Variants in ACSL4 observed in about 807,000 individuals in gnomAD.
ACSL4 encodes long-chain-fatty-acid--CoA ligase 4.
A neutral mutation model predicts 49.1 loss-of-function variants in ACSL4; 9 were observed. The observed-to-expected ratio is 0.18, with a 90% CI of 0.11 to 0.32. ACSL4 has a LOEUF of 0.32. Ranked by LOEUF, ACSL4 falls within the 10% of genes least tolerant of loss-of-function variation. The pLI is 1.00. For synonymous variants in ACSL4, 191 were observed against 170.3 expected, an observed-to-expected ratio of 1.12 and a Z score of -0.95; for missense variants, 333 against 493.7, an observed-to-expected ratio of 0.67 and a Z score of 3.08.
intron 2 of ACSL4, among the ~76,000 whole-genome samples, chrX:109,692,679 A>C (rs1418778024): frequency 1.8e-5 from 2 of 111,876 alleles, no homozygotes; most frequent in Non-Finnish European, 3.8e-5. Context: ...CTGTACACAA[A>C]ACCTTGCTGC....
chrX:109,714,168 TTTTTTG>T (rs767638940), intron 1 of ACSL4, among the ~76,000 whole-genome samples: 1 of 112,168 alleles, frequency 8.9e-6, no homozygotes, highest in South Asian at 3.7e-4. Context: ...TGTGTCTTAG[TTTTTTG>T]TTTTTGTTTT....
At chrX:109,645,122 C>A (rs1308308237) in intron 15 of ACSL4, among the ~76,000 whole-genome samples, 7 of 113,142 alleles carry the variant, frequency 6.2e-5, no homozygotes, top group Middle Eastern at 4.6e-3. Flanking sequence ...CCCAGGCTTG[C>A]TTAGGTAAAC....
chrX:109,663,334 T>A lies in ACSL4; in HGVS notation c.1459A>T (p.Met487Leu). Reference sequence around the variant, plus strand: ...TTCTCTTCATTTTTAAAATATCCCATGGAGATGTTCTGTCCACCAATTACG... The same window carrying A: ...TTCTCTTCATTTTTAAAATATCCCAAGGAGATGTTCTGTCCACCAATTACG... Reference protein sequence around the residue: ...EIVIGGQNISMGYFKNEEKTA... With the variant: ...EIVIGGQNISLGYFKNEEKTA... The change falls in exon 13 of 16, where the codon ATG (methionine) becomes TTG (leucine). Residue 487 changes from methionine (M) to leucine (L), a missense_variant. Transcript: ENST00000672401. The A allele has an allele frequency of 8.3e-7, 1 of 1,209,807 alleles. No homozygotes were observed. Among genetic ancestry groups the A allele is most frequent in the Admixed American group, 2.2e-5 (1 of 45,994 alleles).
chrX:109,671,628 A>G (rs1226118107), intron 9 of ACSL4, among the ~76,000 whole-genome samples: 1 of 112,622 alleles, frequency 8.9e-6, no homozygotes, highest in Non-Finnish European at 1.9e-5. Flanking sequence ...GGTTTTGTCA[A>G]ATAGAAAAGG....
rs369666271 is a variant in ACSL4, at chrX:109,708,872, A to G, written c.-65-12676T>C. Reference sequence around the variant, plus strand: ...AAAACCTGAAAAATTCCAAAATCCAAACACTTCTGGCCCCAGGCATTTTGG... The same window carrying G: ...AAAACCTGAAAAATTCCAAAATCCAGACACTTCTGGCCCCAGGCATTTTGG... On this transcript the variant is annotated intron_variant, in intron 1 of 15. Transcript: ENST00000672401. Among the ~76,000 whole-genome samples, 109 of 111,877 alleles carry G rather than the reference A, an allele frequency of 9.7e-4. 1 individual carries two copies. The South Asian group carries it at 0.039, about 40-fold the overall frequency.
chrX:109,643,875 C>G lies in ACSL4; in HGVS notation c.*154G>C. 1.6e-6 allele frequency: 1 copy of G among 643,669 alleles called. No individual in the cohort carries two copies. Among genetic ancestry groups the G allele is most frequent in the Non-Finnish European group, 2.4e-6 (1 of 413,429 alleles). 53.0% of individuals were successfully genotyped at this position (643,669 alleles called of 1,213,427 possible). ...CAAAACTAAGTTAAAGTAAACCGGA[C>G]AACAATTTTAATAACTTTTGGTTTT... On this transcript the variant is annotated 3_prime_UTR_variant, in exon 16 of 16. Transcript: ENST00000672401.
At chrX:109,677,108 C>G (rs1338857134) in intron 8 of ACSL4, among the ~76,000 whole-genome samples, 1 of 110,013 alleles carries the variant, frequency 9.1e-6, no homozygotes, top group African/African-American at 3.3e-5. Context: ...TACAGGCGCC[C>G]ACCACCTCGC....
rs750659716 is a variant in ACSL4, at chrX:109,683,274, T to C, written c.90A>G (p.Ile30Met). 4.2e-5 allele frequency: 51 copies of C among 1,210,671 alleles called. No individual in the cohort carries two copies. The Middle Eastern group carries it at 1.4e-3, about 33-fold the overall frequency. Residue 30 changes from isoleucine to methionine, a missense_variant, in exon 3 of 16, where the codon ATA (isoleucine) becomes ATG (methionine). Physicochemically the swap from Ile to Met is conservative, Grantham distance 10 (BLOSUM62 1). This residue lies in a region of ACSL4 where 157 missense variants were observed against 201.1 expected (regional missense o/e 0.78). Coordinates refer to ENST00000672401, the MANE Select transcript of ACSL4 (RefSeq NM_001318510.2). ...SVTHFDSLAV[I>M]DIPGADTLDK... is the part of the protein sequence containing the mutation. ...CCAGAGTATCTGCTCCAGGGATGTC[T>C]ATTACAGCTAGTGAGTCGAAGTGTG...
chrX:109,713,227 T>C (rs1438894385), intron 1 of ACSL4, among the ~76,000 whole-genome samples: 3 of 111,801 alleles, frequency 2.7e-5, no homozygotes, highest in South Asian at 7.4e-4. Flanking sequence ...GGAACCAGGA[T>C]AGAGGACCAT....
Position 109,641,815 on chromosome X carries a change from G to A in ACSL4, c.*2214C>T, listed in dbSNP as rs1934452589. On this transcript the variant is annotated 3_prime_UTR_variant, in exon 16 of 16. Coordinates refer to ENST00000672401, the MANE Select transcript of ACSL4 (RefSeq NM_001318510.2). The stretch of plus-strand genomic sequence containing the variant: ...TGTTTGACTTAGAAATGTACATATT[G>A]TAGTAAATTTTTAAAGTACAACTTT... 1 of 112,737 alleles carries A rather than the reference G, an allele frequency of 8.9e-6. No individual in the cohort carries two copies. Among genetic ancestry groups the A allele is most frequent in the Non-Finnish European group, 1.9e-5 (1 of 53,214 alleles). 9.3% of individuals were successfully genotyped at this position (112,737 alleles called of 1,213,427 possible).
intron 15 of ACSL4, among the ~76,000 whole-genome samples, chrX:109,652,924 G>A (rs530550630): frequency 1.8e-5 from 2 of 111,577 alleles, no homozygotes; most frequent in Non-Finnish European, 3.8e-5. Flanking sequence ...AAACTTCACA[G>A]TGTCTAGAAT....
intron 15 of ACSL4, 103 bp from the exon 16 acceptor site, chrX:109,644,289 T>C: frequency 3.8e-6 from 3 of 789,289 alleles, no homozygotes; most frequent in African/African-American, 2.1e-5. Context: ...ATTAATAAAA[T>C]ATGAGTTTTT....
chrX:109,709,254 C>CAA (rs1203709716), intron 1 of ACSL4, among the ~76,000 whole-genome samples: 1 of 112,012 alleles, frequency 8.9e-6, no homozygotes. Context: ...GGCTACTTTC[C>CAA]ACACGGGTGA....
chrX:109,661,257 T>G (rs1260869114), intron 14 of ACSL4, among the ~76,000 whole-genome samples: 1 of 111,941 alleles, frequency 8.9e-6, no homozygotes, highest in African/African-American at 3.2e-5. Context: ...TTACTTATAC[T>G]AAGTCTCAGT....
At chrX:109,690,752 C>T (rs1316815603) in intron 2 of ACSL4, among the ~76,000 whole-genome samples, 1 of 93,481 alleles carries the variant, frequency 1.1e-5, no homozygotes, top group African/African-American at 4.1e-5. Context: ...CATCCTAAGA[C>T]ATTTTAGGGG....
intron 6 of ACSL4, among the ~76,000 whole-genome samples, chrX:109,680,247 T>TA (rs1439020647): frequency 9.0e-6 from 1 of 110,940 alleles, no homozygotes; most frequent in Non-Finnish European, 1.9e-5. Flanking sequence ...GCAAGCAGGG[T>TA]AAAATCTGAC....
intron 13 of ACSL4, among the ~76,000 whole-genome samples, chrX:109,662,656 T>C (rs1178922796): frequency 1.8e-5 from 2 of 111,106 alleles, no homozygotes; most frequent in African/African-American, 3.3e-5. Flanking sequence ...CCAAAGTAAC[T>C]GACATTCTCA....
intron 15 of ACSL4, among the ~76,000 whole-genome samples, chrX:109,647,230 GCACCA>G (rs1212353284): frequency 9.0e-6 from 1 of 111,264 alleles, no homozygotes; most frequent in Non-Finnish European, 1.9e-5. Context: ...ATTTTTTTCA[GCACCA>G]CACCACACCT....
intron 1 of ACSL4, among the ~76,000 whole-genome samples, chrX:109,706,608 G>A (rs1926369890): frequency 8.9e-6 from 1 of 111,902 alleles, no homozygotes; most frequent in Admixed American, 9.5e-5. Flanking sequence ...CAACTACTGG[G>A]GAAAAAACTT....
Sources: gnomAD v4.1 joint callset for allele counts (sites outside exome capture counted in the v4.1 genomes callset) on GRCh38, gnomAD v4.1.1 for gene constraint, gnomAD v4.1.1 regional missense constraint, MANE v1.5 for transcripts, NCBI Gene and HGNC (gene_info 2026-07-23, HGNC 2026-07-21) for gene names.